PCDH15: variants seen among roughly 807,000 people sequenced by gnomAD.
PCDH15 encodes protocadherin related 15, also known as protocadherin-15.
In PCDH15, 129 loss-of-function variants were observed where a neutral mutation model predicts 178.5. The observed-to-expected ratio is 0.72, with a 90% confidence interval of 0.63 to 0.84. The LOEUF is 0.84. Among genes scored for constraint, PCDH15 ranks in the 40% least tolerant of loss-of-function variants. PCDH15 has a pLI of 0.00. For missense variants in PCDH15, 2,230 were observed against 2,099.9 expected (o/e 1.06, Z -1.21); for synonymous variants, 800 against 732.0 (o/e 1.09, Z -1.50).
chr10:54,086,975 G>C (rs1296267611), intron 16 of PCDH15, among the ~76,000 whole-genome samples: 1 of 152,172 alleles, frequency 6.6e-6, no homozygotes, highest in Non-Finnish European at 1.5e-5. Context: ...TAGGAAAGCA[G>C]TGCATTTAGA....
intron 21 of PCDH15, among the ~76,000 whole-genome samples, chr10:53,977,126 C>T (rs1340333084): frequency 6.6e-6 from 1 of 152,080 alleles, no homozygotes; most frequent in South Asian, 2.1e-4. Context: ...CACTAACCTC[C>T]CATCTCCTGG....
chr10:54,079,319 G>T lies in PCDH15; in HGVS notation c.2091+12C>A. 6.2e-7 allele frequency: 1 copy of T among 1,612,104 alleles called. No individual in the cohort carries two copies. Among genetic ancestry groups the T allele is most frequent in the Non-Finnish European group, 8.5e-7 (1 of 1,178,238 alleles). On this transcript the variant is annotated intron_variant, in intron 17 of 37. Transcript: ENST00000644397. ...ACTATTTTTAAAACCCCTTCACAGG[G>T]AGCATACTCACCCCATCTGGCCTGC...
intron 16 of PCDH15, among the ~76,000 whole-genome samples, chr10:54,082,607 T>C (rs140005181): frequency 1.3e-5 from 2 of 152,232 alleles, no homozygotes; most frequent in African/African-American, 4.8e-5. Flanking sequence ...ATCAACAATT[T>C]TTCTAAACAC....
intron 1 of PCDH15, among the ~76,000 whole-genome samples, chr10:55,227,933 C>T (rs1043438867): frequency 6.6e-6 from 1 of 152,044 alleles, no homozygotes; most frequent in Non-Finnish European, 1.5e-5. Context: ...GACAGCCCCC[C>T]CATCCCCAAC....
intron 18 of PCDH15, among the ~76,000 whole-genome samples, chr10:54,044,535 C>T (rs2093619425): frequency 6.6e-6 from 1 of 152,042 alleles, no homozygotes; most frequent in African/African-American, 2.4e-5. Flanking sequence ...TGCTATGAAA[C>T]TTGTGTTCCT....
intron 1 of PCDH15, among the ~76,000 whole-genome samples, chr10:55,207,975 C>A (rs1011005554): frequency 1.3e-5 from 2 of 151,230 alleles, no homozygotes; most frequent in African/African-American, 2.5e-5. Context: ...TCTCAAAAAA[C>A]AAACAAACAA....
chr10:55,041,624 C>T (rs1840865199), intron 2 of PCDH15, among the ~76,000 whole-genome samples: 1 of 151,912 alleles, frequency 6.6e-6, no homozygotes, highest in Admixed American at 6.6e-5. Flanking sequence ...CTAAATAGGA[C>T]AGCAAGGGGG....
At chr10:55,416,813 G>A (rs1208397330) in intron 2 of PCDH15, among the ~76,000 whole-genome samples, 1 of 151,888 alleles carries the variant, frequency 6.6e-6, no homozygotes, top group East Asian at 1.9e-4. Flanking sequence ...ATCTAAGCTA[G>A]TGTCTGTCAC....
At chr10:54,491,589 G>C (rs796554026) in intron 3 of PCDH15, among the ~76,000 whole-genome samples, 1 of 152,212 alleles carries the variant, frequency 6.6e-6, no homozygotes, top group African/African-American at 2.4e-5. Context: ...TGCTAGGGAA[G>C]AAATAAAGAA....
chr10:54,717,285 C>T (rs1454370720), intron 1 of PCDH15, among the ~76,000 whole-genome samples: 3 of 119,954 alleles, frequency 2.5e-5, no homozygotes, highest in Non-Finnish European at 5.3e-5. Flanking sequence ...TAAAGAGCTT[C>T]TGCACAGCAA....
intron 3 of PCDH15, among the ~76,000 whole-genome samples, chr10:54,463,853 C>T (rs751425814): frequency 5.3e-5 from 8 of 151,808 alleles, no homozygotes; most frequent in African/African-American, 9.7e-5. Context: ...ATTTGAACTC[C>T]GTCTTAAAAA....
rs35633279 is a variant in PCDH15 at position 55,016,962 on chromosome 10, T to TCACA, written c.-79-119466_-79-119463dup. 8.6e-5 allele frequency among the ~76,000 whole-genome samples: 13 copies of TCACA among 151,100 alleles called. No homozygotes were observed. The South Asian group carries it at 2.1e-3, about 24-fold the overall frequency. On this transcript the variant is annotated intron_variant, in intron 2 of 5. Transcript: ENST00000458638. ...GAGTAAGAGTATAAAGCAGTTACAC[T>TCACA]CACACACACACAGAGGGAGAGAGGG...
Position 54,183,486 on chromosome 10 carries a change from C to T in PCDH15, c.1548G>A (p.Val516=), listed in dbSNP as rs138177808. ...TPTFPEISYD[V]YVYTDMRPGD... ...CAGGTCTCATGTCTGTATAAACATA[C>T]ACATCATAGGATATTTCAGGGAAGG... Residue 516 remains valine (V), a synonymous_variant, in exon 13 of 38, where the codon GTG becomes GTA. Transcript: ENST00000644397. 2.5e-5 allele frequency: 40 copies of T among 1,613,690 alleles called. No individual in the cohort carries two copies. In the African/African-American group the frequency reaches 4.8e-4, roughly 19 times the overall value.
intron 1 of PCDH15, among the ~76,000 whole-genome samples, chr10:54,754,381 G>T (rs983040313): frequency 6.6e-6 from 1 of 152,018 alleles, no homozygotes; most frequent in African/African-American, 2.4e-5. Context: ...ATGATTGAAA[G>T]CTACATAAAA....
At chr10:54,685,454 T>G (rs886995568) in intron 1 of PCDH15, among the ~76,000 whole-genome samples, 7 of 152,114 alleles carry the variant, frequency 4.6e-5, no homozygotes, top group Admixed American at 1.3e-4. Flanking sequence ...CACAAACGTG[T>G]GAGTAATGCT....
At chr10:54,830,467 A>T (rs1953203882) in intron 3 of PCDH15, among the ~76,000 whole-genome samples, 1 of 152,108 alleles carries the variant, frequency 6.6e-6, no homozygotes, top group South Asian at 2.1e-4. Flanking sequence ...CATCATTCTC[A>T]GCAAACTATC....
At chr10:53,822,860 G>T in intron 32 of PCDH15, 1 of 1,614,032 alleles carries the variant, frequency 6.2e-7, no homozygotes, top group African/African-American at 1.3e-5. Flanking sequence ...GCAATGGATT[G>T]CTGCTACCTC....
chr10:55,482,573 T>A (rs1220677837), intron 2 of PCDH15, among the ~76,000 whole-genome samples: 1 of 151,812 alleles, frequency 6.6e-6, no homozygotes, highest in African/African-American at 2.4e-5. Context: ...CCTTTGCATA[T>A]GAAGTTTAGT....
intron 23 of PCDH15, among the ~76,000 whole-genome samples, chr10:53,952,221 G>A (rs2087136189): frequency 6.6e-6 from 1 of 152,166 alleles, no homozygotes. Flanking sequence ...TTTCAGTCCT[G>A]CCATTCAGCA....
Sources: allele counts gnomAD v4.1 joint callset (sites outside exome capture counted in the v4.1 genomes callset), GRCh38; gene constraint gnomAD v4.1.1; transcripts MANE v1.5; gene names NCBI Gene and HGNC (gene_info 2026-07-23, HGNC 2026-07-21).